The following FMNL3 variants were observed in gnomAD, a reference collection of about 807,000 sequenced individuals.
FMNL3 encodes the protein formin like 3, also known as formin-like protein 3.
In FMNL3, 57 loss-of-function variants were observed where a neutral mutation model predicts 119.6. That is an observed-to-expected ratio of 0.48 (90% CI 0.39 to 0.59). The LOEUF is 0.59. Among genes scored for constraint, FMNL3 ranks in the 20% least tolerant of loss-of-function variants. The pLI, the probability that FMNL3 is intolerant of heterozygous loss-of-function variation, is 0.00. For missense variants in FMNL3, 1,053 were observed against 1,323.5 expected (o/e 0.80, Z 3.17); for synonymous variants, 491 against 507.3 (o/e 0.97, Z 0.43).
chr12:49,696,811 A>G (rs1394659477), intron 1 of FMNL3, among the ~76,000 whole-genome samples: 2 of 152,228 alleles, frequency 1.3e-5, no homozygotes, highest in African/African-American at 2.4e-5. Flanking sequence ...TGTTGGAACC[A>G]CTAACAGCAG....
At chr12:49,693,664 T>TTTG (rs1944674046) in intron 1 of FMNL3, among the ~76,000 whole-genome samples, 7 of 142,702 alleles carry the variant, frequency 4.9e-5, no homozygotes, top group Non-Finnish European at 9.1e-5. Flanking sequence ...TTTTTTTTTT[T>TTTG]TGAGACAGAG....
rs374757667 is a variant in FMNL3 at position 49,637,615 on chromosome 12, C to G, written c.*8200G>C. The G allele has an allele frequency of 3.1e-6, 5 of 1,595,106 alleles. No individual in the cohort carries two copies. The highest frequency in any genetic ancestry group is 3.3e-5 in the Admixed American group (2 of 59,862). On this transcript the variant is annotated 3_prime_UTR_variant, in exon 26 of 26. Transcript: ENST00000335154. ...GCAGCCAGGCTCCCCCTTCTCTGGC[C>G]TGGCTTCCTGCCCTGCCAGCCTCTC... is the stretch of plus-strand genomic sequence containing the variant.
intron 1 of FMNL3, 55 bp from the exon 2 acceptor site, chr12:49,668,609 G>A: frequency 1.3e-6 from 2 of 1,519,086 alleles, no homozygotes; most frequent in Non-Finnish European, 1.8e-6. Context: ...CTGGAAAAGA[G>A]AAAGACTAGA....
In FMNL3 at chr12:49,647,909, A is replaced by T; in HGVS notation, c.2677-105T>A. 1.1e-6 allele frequency: 1 copy of T among 937,220 alleles called. No homozygotes were observed. Among genetic ancestry groups the T allele is most frequent in the Non-Finnish European group, 1.6e-6 (1 of 620,384 alleles). The allele number at this position is 937,220 out of a possible 1,614,324, so 58.1% of individuals were successfully genotyped here. On this transcript the variant is annotated intron_variant, in intron 22 of 25. Transcript: ENST00000335154. This position sits in a 1 kb window ranked among gnomAD's most constrained non-coding sequence, Gnocchi z 4.9. ...GAAAGCAGAGCCCAGGGCCAAAGGG[A>T]GGAAAACCAAGCACCCAGGCCCCTG...
At chr12:49,661,918 T>C in intron 5 of FMNL3, 48 bp downstream of exon 5, 2 of 1,526,606 alleles carry the variant, frequency 1.3e-6, no homozygotes, top group South Asian at 1.1e-5. Flanking sequence ...AATGGAACTA[T>C]GTCCTCCCCC....
chr12:49,653,109 G>A (rs73305076), intron 13 of FMNL3, 117 bp downstream of exon 13: 21,664 of 954,784 alleles, frequency 0.023, 873 homozygotes, highest in African/African-American at 0.16. Flanking sequence ...AGTACCTCAA[G>A]GGTGAATCAA....
Position 49,642,132 on chromosome 12 carries a change from G to T in FMNL3, c.*3683C>A. The T allele has an allele frequency of 6.2e-7, 1 of 1,604,480 alleles. No homozygotes were observed. Among genetic ancestry groups the T allele is most frequent in the Non-Finnish European group, 8.5e-7 (1 of 1,173,444 alleles). On this transcript the variant is annotated 3_prime_UTR_variant, in exon 26 of 26. Transcript: ENST00000335154. This position sits in a 1 kb window ranked among gnomAD's most constrained non-coding sequence, Gnocchi z 5.8. ...TATATTCCCAATTCAGGGGATGGTG[G>T]TAGAAGCCCAGACCCTAACTTTCCA...
Position 49,650,889 on chromosome 12 carries a change from T to C in FMNL3, c.1798-11A>G, listed in dbSNP as rs201881218. 24 of 1,614,026 alleles carry C rather than the reference T, an allele frequency of 1.5e-5. No homozygotes were observed. In the Admixed American group the frequency reaches 3.5e-4, roughly 24 times the overall value. On this transcript the variant is annotated splice_polypyrimidine_tract_variant and intron_variant, in intron 16 of 25. Coordinates refer to ENST00000335154, the MANE Select transcript of FMNL3 (RefSeq NM_175736.5). ...ATCAAGATCCAGGTCCTGGCAGGAA[T>C]AGGTGAGCAAGGAAAACGCTGTAGC...
chr12:49,673,661 G>A (rs575295940), intron 1 of FMNL3, among the ~76,000 whole-genome samples: 249 of 152,376 alleles, frequency 1.6e-3, no homozygotes, highest in African/African-American at 5.7e-3. Context: ...CAGTCCTGCC[G>A]CAGTAGCAGC....
chr12:49,660,634 T>C (rs938789020), intron 5 of FMNL3, among the ~76,000 whole-genome samples: 5 of 152,140 alleles, frequency 3.3e-5, no homozygotes, highest in Admixed American at 1.3e-4. Flanking sequence ...CAAAGAAGAA[T>C]GGCCAAGGGG....
At chr12:49,682,172 G>A (rs949370732) in intron 1 of FMNL3, among the ~76,000 whole-genome samples, 1 of 150,748 alleles carries the variant, frequency 6.6e-6, no homozygotes, top group Admixed American at 6.7e-5. Flanking sequence ...CCAGGTTCAC[G>A]CCATTCTCCT....
intron 1 of FMNL3, chr12:49,688,682 G>C: frequency 2.7e-6 from 1 of 364,544 alleles, no homozygotes; most frequent in Non-Finnish European, 5.4e-6. Flanking sequence ...GACCAGGCAA[G>C]AGCTGAAGAT....
intron 1 of FMNL3, among the ~76,000 whole-genome samples, chr12:49,702,018 T>C (rs1944923196): frequency 6.6e-6 from 1 of 152,072 alleles, no homozygotes; most frequent in African/African-American, 2.4e-5. Flanking sequence ...AAAACATATA[T>C]ACTGGCAGGG....
chr12:49,676,524 T>G (rs1172163155), intron 1 of FMNL3, among the ~76,000 whole-genome samples: 3 of 94,294 alleles, frequency 3.2e-5, no homozygotes, highest in African/African-American at 1.2e-4. Context: ...TAGTGGGTTT[T>G]TTTTTTTTTT....
At chr12:49,665,747 A>G (rs1169401389) in intron 4 of FMNL3, 85 bp downstream of exon 4, 1 of 1,378,384 alleles carries the variant, frequency 7.3e-7, no homozygotes, top group African/African-American at 1.4e-5. Context: ...GAACAGGAAC[A>G]CCATCCTCAG....
At chr12:49,681,976 C>T (rs1311430011) in intron 1 of FMNL3, among the ~76,000 whole-genome samples, 1 of 151,796 alleles carries the variant, frequency 6.6e-6, no homozygotes, top group Non-Finnish European at 1.5e-5. Context: ...AGGAGAAAGA[C>T]CCTGTAAGTG....
chr12:49,652,326 CAG>C, intron 13 of FMNL3, 114 bp from the exon 14 acceptor site: 1 of 1,443,892 alleles, frequency 6.9e-7, no homozygotes, highest in Admixed American at 2.6e-5. Flanking sequence ...TCAGGGTACT[CAG>C]AGGCTCAGAG....
At chr12:49,698,099 A>C (rs1440997908) in intron 1 of FMNL3, among the ~76,000 whole-genome samples, 1 of 152,226 alleles carries the variant, frequency 6.6e-6, no homozygotes, top group African/African-American at 2.4e-5. Context: ...GGCTCATGTC[A>C]ACTTTCTTAG....
intron 1 of FMNL3, 43 bp downstream of exon 1, chr12:49,707,012 T>A: frequency 6.5e-7 from 1 of 1,549,408 alleles, no homozygotes; most frequent in Non-Finnish European, 8.7e-7. Context: ...CGTCGGGACC[T>A]GAGGGGCGGT....
Sources: gnomAD v4.1 joint callset for allele counts (sites outside exome capture counted in the v4.1 genomes callset) on GRCh38, gnomAD v4.1.1 for gene constraint, Gnocchi (gnomAD v3.1) non-coding constraint, MANE v1.5 for transcripts, NCBI Gene and HGNC (gene_info 2026-07-23, HGNC 2026-07-21) for gene names.